The following ATXN10 variants were observed in gnomAD, a reference collection of about 807,000 sequenced individuals.
ATXN10 encodes ataxin-10.
A neutral mutation model predicts 52.9 loss-of-function variants in ATXN10; 28 were observed. The ratio of observed to expected loss-of-function variants is 0.53; its 90% CI spans 0.39 to 0.73. ATXN10 has a LOEUF of 0.73. Among genes scored for constraint, ATXN10 ranks in the 30% least tolerant of loss-of-function variants. ATXN10 has a pLI of 0.00. For missense variants in ATXN10, 565 were observed against 577.0 expected, an observed-to-expected ratio of 0.98 and a Z score of 0.21; for synonymous variants, 226 against 221.5, an observed-to-expected ratio of 1.02 and a Z score of -0.18.
chr22:45,721,884 C>T (rs1026754397), intron 6 of ATXN10, among the ~76,000 whole-genome samples: 2 of 152,080 alleles, frequency 1.3e-5, no homozygotes, highest in African/African-American at 2.4e-5. Context: ...CACTGCACTC[C>T]AGCCTGGGCA....
At chr22:45,725,108 T>G (rs1218025387) in intron 6 of ATXN10, among the ~76,000 whole-genome samples, 1 of 152,176 alleles carries the variant, frequency 6.6e-6, no homozygotes, top group Admixed American at 6.5e-5. Context: ...AGAATTGTTC[T>G]TTTTGCTTAA....
At chr22:45,779,820 A>G (rs750015655) in intron 9 of ATXN10, among the ~76,000 whole-genome samples, 2 of 152,198 alleles carry the variant, frequency 1.3e-5, no homozygotes, top group African/African-American at 4.8e-5. Context: ...TGAGAGTACA[A>G]AGAAAAAGAA....
intron 9 of ATXN10, among the ~76,000 whole-genome samples, chr22:45,768,544 A>G (rs1315527104): frequency 6.6e-6 from 1 of 152,208 alleles, no homozygotes; most frequent in Non-Finnish European, 1.5e-5. Context: ...TTGCAACCAA[A>G]TCAAACCTCT....
chr22:45,777,206 A>G (rs1375354585), intron 9 of ATXN10, among the ~76,000 whole-genome samples: 1 of 152,142 alleles, frequency 6.6e-6, no homozygotes, highest in Non-Finnish European at 1.5e-5. Context: ...CACACTGAAT[A>G]GCCTATAATT....
At chr22:45,685,544 C>CT (rs1476366677) in intron 1 of ATXN10, among the ~76,000 whole-genome samples, 1 of 152,182 alleles carries the variant, frequency 6.6e-6, no homozygotes, top group Non-Finnish European at 1.5e-5. Context: ...TTGATCTTTA[C>CT]TATTTCATTG....
Position 45,780,773 on chromosome 22 carries a change from G to A in ATXN10, c.1174-26186G>A, listed in dbSNP as rs1159319655. On this transcript the variant is annotated intron_variant, in intron 9 of 11. Coordinates refer to ENST00000252934, the MANE Select transcript of ATXN10 (RefSeq NM_013236.4). The surrounding 1 kb of genome is among the most constrained non-coding windows in gnomAD (Gnocchi z 4.0). ...TCCTTTGGCACCTTAAAAACAATAC[G>A]TTGGCAATTGGACTTGGGATTCTGG... Among the ~76,000 whole-genome samples, 3 of 152,138 alleles carry A rather than the reference G, an allele frequency of 2.0e-5. No homozygotes were observed. Among genetic ancestry groups the A allele is most frequent in the East Asian group, 1.9e-4 (1 of 5,196 alleles).
At chr22:45,827,656 T>C (rs1324422328) in intron 10 of ATXN10, among the ~76,000 whole-genome samples, 2 of 151,954 alleles carry the variant, frequency 1.3e-5, no homozygotes, top group African/African-American at 2.4e-5. Flanking sequence ...AAGCAAAAAC[T>C]GAAGGAAGAA....
At chr22:45,839,362 G>A (rs1030178340) in intron 10 of ATXN10, among the ~76,000 whole-genome samples, 4 of 152,232 alleles carry the variant, frequency 2.6e-5, no homozygotes, top group South Asian at 2.1e-4. Flanking sequence ...AACCTGCTCC[G>A]TGTGAAATAC....
Position 45,828,882 on chromosome 22 carries a change from G to C in ATXN10, c.1238-14109G>C, listed in dbSNP as rs556438627. Among the ~76,000 whole-genome samples, 6 of 152,194 alleles carry C rather than the reference G, an allele frequency of 3.9e-5. No individual in the cohort carries two copies. In the South Asian group the frequency reaches 1.0e-3, roughly 26 times the overall value. On this transcript the variant is annotated intron_variant, in intron 10 of 11. Coordinates refer to ENST00000252934, the MANE Select transcript of ATXN10 (RefSeq NM_013236.4). The surrounding 1 kb of genome is among the most constrained non-coding windows in gnomAD (Gnocchi z 4.5). ...TCTCAAACTTTTCCAAAAAAATTGA[G>C]GAGAAGAGAACACTTCCTAACTCAT...
intron 9 of ATXN10, among the ~76,000 whole-genome samples, chr22:45,794,647 T>C (rs1228272997): frequency 6.6e-6 from 1 of 152,110 alleles, no homozygotes; most frequent in Non-Finnish European, 1.5e-5. Context: ...TCAGAAATGA[T>C]GCAAGACAGG....
chr22:45,748,075 G>A (rs776599151), intron 9 of ATXN10, among the ~76,000 whole-genome samples: 4 of 151,992 alleles, frequency 2.6e-5, no homozygotes, highest in Non-Finnish European at 5.9e-5. Flanking sequence ...GGTGCTTGGG[G>A]GGCTGAGGTG....
At position 45,759,360 on chromosome 22, in the gene ATXN10, A is replaced by G. The variant is rs974560332; in HGVS notation, c.1173+18822A>G. Among the ~76,000 whole-genome samples the G allele has an allele frequency of 6.6e-6, 1 of 152,106 alleles. No homozygotes were observed. ...AACCCTGTCTCTACTAAAAATACAAAAAGTAGCCGGGCGTGGTGGCGCATG... is the reference window on the plus strand; with the variant it reads ...AACCCTGTCTCTACTAAAAATACAAGAAGTAGCCGGGCGTGGTGGCGCATG... On this transcript the variant is annotated intron_variant, in intron 9 of 11. Transcript: ENST00000252934. The surrounding 1 kb of genome is among the most constrained non-coding windows in gnomAD (Gnocchi z 5.4).
rs1183968809 is a variant in ATXN10, at chr22:45,759,029, T to C, written c.1173+18491T>C. Among the ~76,000 whole-genome samples the C allele has an allele frequency of 2.0e-5, 3 of 152,238 alleles. No homozygotes were observed. Among genetic ancestry groups the C allele is most frequent in the Admixed American group, 6.5e-5 (1 of 15,280 alleles). ...ACATTATTCTTACTTAGAAGTACCA[T>C]TCTTATTTAAAGGCAGTATATCTCA... On this transcript the variant is annotated intron_variant, in intron 9 of 11. Coordinates refer to ENST00000252934, the MANE Select transcript of ATXN10 (RefSeq NM_013236.4). The surrounding 1 kb of genome is among the most constrained non-coding windows in gnomAD (Gnocchi z 5.4).
chr22:45,698,878 C>G (rs12166726), intron 3 of ATXN10, among the ~76,000 whole-genome samples: 1 of 152,260 alleles, frequency 6.6e-6, no homozygotes, highest in South Asian at 2.1e-4. Context: ...AAAAAGTATT[C>G]TGGTTCCTAA....
At chr22:45,800,112 G>A (rs144993488) in intron 9 of ATXN10, among the ~76,000 whole-genome samples, 2,740 of 152,220 alleles carry the variant, frequency 0.018, 43 homozygotes, top group Middle Eastern at 0.031. Flanking sequence ...ATGAAAAAAT[G>A]TTTTGGTAAA....
At chr22:45,779,619 C>T (rs759787228) in intron 9 of ATXN10, among the ~76,000 whole-genome samples, 8 of 152,160 alleles carry the variant, frequency 5.3e-5, no homozygotes, top group Non-Finnish European at 1.0e-4. Flanking sequence ...TATGTAGTAT[C>T]CTTTTTCCTC....
rs80005624 is a variant in ATXN10, at chr22:45,733,756, TAAA to T, written c.894+4178_894+4180del. ...GGGCGACAGAGCAAGACTCCCATCT[TAAA>T]AAAAAAAAAAAGTTACAAAGTTTTC... On this transcript the variant is annotated intron_variant, in intron 7 of 11. Coordinates refer to ENST00000252934, the MANE Select transcript of ATXN10 (RefSeq NM_013236.4). This position sits in a 1 kb window ranked among gnomAD's most constrained non-coding sequence, Gnocchi z 4.4. Among the ~76,000 whole-genome samples, 1 of 141,706 alleles carries T rather than the reference TAAA, an allele frequency of 7.1e-6. No homozygotes were observed. The highest frequency in any genetic ancestry group is 1.5e-5 in the Non-Finnish European group (1 of 64,630). 93.0% of individuals were successfully genotyped at this position (141,706 alleles called of 152,430 possible).
rs1192882202 is a variant in ATXN10 at position 45,750,561 on chromosome 22, A to AGTTATTTT, written c.1173+10024_1173+10031dup. 8.5e-5 allele frequency among the ~76,000 whole-genome samples: 13 copies of AGTTATTTT among 152,260 alleles called. No homozygotes were observed. The highest frequency in any genetic ancestry group is 2.0e-4 in the Admixed American group (3 of 15,290). ...AAGTATGGAATATGGGAAAGATATT[A>AGTTATTTT]GTTATTTTTAAACTGATTTTTATTA... is the stretch of plus-strand genomic sequence containing the variant. On this transcript the variant is annotated intron_variant, in intron 9 of 11. Transcript: ENST00000252934. The surrounding 1 kb of genome is among the most constrained non-coding windows in gnomAD (Gnocchi z 4.2).
chr22:45,797,658 C>A (rs1216267682), intron 9 of ATXN10, among the ~76,000 whole-genome samples: 1 of 151,924 alleles, frequency 6.6e-6, no homozygotes, highest in Non-Finnish European at 1.5e-5. Flanking sequence ...GTAGATTAAA[C>A]CAATGTAAGT....
Sources: gnomAD v4.1 joint callset for allele counts (sites outside exome capture counted in the v4.1 genomes callset) on GRCh38, gnomAD v4.1.1 for gene constraint, Gnocchi (gnomAD v3.1) non-coding constraint, MANE v1.5 for transcripts, NCBI Gene and HGNC (gene_info 2026-07-23, HGNC 2026-07-21) for gene names.